The following PGR variants were observed in gnomAD, a reference collection of about 807,000 sequenced individuals.
The protein encoded by PGR is nuclear receptor subfamily 3 group C member 3.
In PGR, 25 loss-of-function variants were observed where a neutral mutation model predicts 76.1. The ratio of observed to expected loss-of-function variants is 0.33; its 90% CI spans 0.24 to 0.46. The LOEUF is 0.46. PGR is among the 20% of genes least tolerant of loss of function. The pLI is 1.00. For missense variants in PGR, 1,172 were observed against 1,225.3 expected (o/e 0.96, Z 0.65); for synonymous variants, 579 against 535.0 (o/e 1.08, Z -1.14).
rs182470150 is a variant in PGR at position 101,083,002 on chromosome 11, C to T, written c.1906+8758G>A. Among the ~76,000 whole-genome samples the T allele has an allele frequency of 5.0e-3, 767 of 152,280 alleles. 1 individual carries two copies. The highest frequency in any genetic ancestry group is 8.8e-3 in the Non-Finnish European group (598 of 68,028). On this transcript the variant is annotated intron_variant, in intron 3 of 7. Transcript: ENST00000325455. ...CATTTCAGAGACCTTCACAGCAGCC[C>T]CTCCCATCACAGGCACAGAAGCCTA...
At chr11:101,094,935 T>C (rs512846) in intron 2 of PGR, among the ~76,000 whole-genome samples, 17,803 of 152,162 alleles carry the variant, frequency 0.12, 1,353 homozygotes, top group Non-Finnish European at 0.16. Context: ...CTTTCTGCCA[T>C]GTGAGGATGC....
chr11:101,125,312 T>A (rs1862804522), intron 2 of PGR, among the ~76,000 whole-genome samples: 1 of 152,198 alleles, frequency 6.6e-6, no homozygotes, highest in African/African-American at 2.4e-5. Context: ...ATTAAGCATG[T>A]AAGTTCAATG....
chr11:101,075,259 C>T (rs2135430446), intron 3 of PGR, among the ~76,000 whole-genome samples: 2 of 152,252 alleles, frequency 1.3e-5, no homozygotes, highest in Admixed American at 1.3e-4. Context: ...GGGAAACTGG[C>T]TAGCCATATA....
At chr11:101,113,170 C>T (rs1862395118) in intron 2 of PGR, among the ~76,000 whole-genome samples, 1 of 152,134 alleles carries the variant, frequency 6.6e-6, no homozygotes, top group African/African-American at 2.4e-5. Flanking sequence ...ATCTACAAAA[C>T]AACAGTGTCT....
intron 4 of PGR, among the ~76,000 whole-genome samples, chr11:101,051,895 G>A (rs1452328618): frequency 6.6e-6 from 1 of 152,098 alleles, no homozygotes; most frequent in African/African-American, 2.4e-5. Context: ...ATGAAGATGA[G>A]TAAGAGTCAA....
At chr11:101,048,985 A>G (rs996774832) in intron 6 of PGR, among the ~76,000 whole-genome samples, 1 of 151,998 alleles carries the variant, frequency 6.6e-6, no homozygotes, top group Admixed American at 6.6e-5. Flanking sequence ...GGCTCAAGTG[A>G]TCCTCTCACC....
chr11:101,116,813 A>G (rs187923621), intron 2 of PGR, among the ~76,000 whole-genome samples: 1 of 151,496 alleles, frequency 6.6e-6, no homozygotes, highest in African/African-American at 2.4e-5. Context: ...GACAGTAAGC[A>G]CTTAGTTATT....
intron 3 of PGR, among the ~76,000 whole-genome samples, chr11:101,070,688 C>T (rs1482493747): frequency 6.6e-6 from 1 of 152,196 alleles, no homozygotes; most frequent in African/African-American, 2.4e-5. Flanking sequence ...TTTCCCCTCA[C>T]AGTGTAAGCA....
At chr11:101,103,993 G>A (rs1333409307) in intron 2 of PGR, among the ~76,000 whole-genome samples, 1 of 152,108 alleles carries the variant, frequency 6.6e-6, no homozygotes, top group African/African-American at 2.4e-5. Flanking sequence ...GTTGCTTTGA[G>A]GGTAAAATAA....
chr11:101,048,133 G>A (rs1859956368), intron 6 of PGR, among the ~76,000 whole-genome samples: 1 of 152,168 alleles, frequency 6.6e-6, no homozygotes, highest in Non-Finnish European at 1.5e-5. Flanking sequence ...TGGCTAGAAG[G>A]AGCCTGGGTG....
intron 3 of PGR, among the ~76,000 whole-genome samples, chr11:101,068,538 C>A (rs575039335): frequency 3.1e-4 from 47 of 151,892 alleles, no homozygotes; most frequent in Non-Finnish European, 5.3e-4. Context: ...CATATGGAAC[C>A]AAAAAAGAGC....
chr11:101,128,454 G>A lies in PGR; in HGVS notation c.617C>T (p.Ser206Phe). 7 of 1,609,746 alleles carry A rather than the reference G, an allele frequency of 4.3e-6. No homozygotes were observed. The highest frequency in any genetic ancestry group is 5.9e-6 in the Non-Finnish European group (7 of 1,179,664). The change falls in exon 1 of 8, where the codon TCC (serine) becomes TTC (phenylalanine). Residue 206 changes from serine to phenylalanine, a missense_variant. Around this residue, in one of 4 missense-constraint regions of PGR, gnomAD observed 893 missense variants for 785.9 expected, o/e 1.14. Transcript: ENST00000325455. The stretch of plus-strand genomic sequence containing the variant: ...CGGAGACGGCTTCACTGGGGCCCCG[G>A]ACCAGTGAGGGCTCTCAGAGGCCGG... ...LLPASESPHW[S>F]GAPVKPSPQA... is the part of the protein sequence containing the mutation.
At chr11:101,048,359 T>C (rs1859963557) in intron 6 of PGR, among the ~76,000 whole-genome samples, 1 of 152,220 alleles carries the variant, frequency 6.6e-6, no homozygotes, top group Admixed American at 6.5e-5. Context: ...TGCAGTCGTG[T>C]ATCACTTAAT....
At chr11:101,091,983 G>A in intron 2 of PGR, 107 bp from the exon 3 acceptor site, 1 of 706,560 alleles carries the variant, frequency 1.4e-6, no homozygotes, top group South Asian at 1.5e-5. Context: ...GCAAGTGCAT[G>A]ACTCAGCCAG....
rs536269254 is a variant in PGR at position 101,052,148 on chromosome 11, ATTTTC to A, written c.2213-585_2213-581del. 7.2e-5 allele frequency among the ~76,000 whole-genome samples: 11 copies of A among 152,200 alleles called. No homozygotes were observed. The East Asian group carries it at 2.1e-3, about 29-fold the overall frequency. Reference sequence around the variant, plus strand: ...ACTGCTTTCAGTTGTGTTATATCTAATTTTCTTTTAACAACCCTTAACTATGTCGG... The same window carrying A: ...ACTGCTTTCAGTTGTGTTATATCTAATTTTAACAACCCTTAACTATGTCGG... On this transcript the variant is annotated intron_variant, in intron 4 of 7. Coordinates refer to ENST00000325455, the MANE Select transcript of PGR (RefSeq NM_000926.4).
chr11:101,106,031 A>G (rs1281910943), intron 2 of PGR, among the ~76,000 whole-genome samples: 1 of 152,240 alleles, frequency 6.6e-6, no homozygotes, highest in Admixed American at 6.5e-5. Flanking sequence ...CATAAGCAGA[A>G]AACTGAAACT....
In PGR at chr11:101,041,946, T is replaced by C. The variant is rs547620959; in HGVS notation, c.2645A>G (p.Asp882Gly). 5 of 1,612,444 alleles carry C rather than the reference T, an allele frequency of 3.1e-6. No homozygotes were observed. The African/African-American group carries it at 6.7e-5, about 22-fold the overall frequency. ...TTCTGGAATCAACCAAATACTTACA[T>C]CATGCAAGTTATCAAGAAGTTTTGT... ...QLTKLLDNLH[D>G]LVKQLHLYCL... The change falls in exon 7 of 8, where the codon GAT becomes GGT. Residue 882 changes from aspartate (D) to glycine (G), a missense_variant and splice_region_variant. By Grantham distance (94) the Asp-to-Gly change is moderately conservative. Transcript: ENST00000325455.
At position 101,129,418 on chromosome 11, in the gene PGR, G is replaced by A. The variant is rs540265780; in HGVS notation, c.-348C>T. ...CTTCTGTCCGAGGACTGGAGACGCAGAGTACTCACAAGTCCGGCACTTGAG... is the reference window on the plus strand; with the variant it reads ...CTTCTGTCCGAGGACTGGAGACGCAAAGTACTCACAAGTCCGGCACTTGAG... On this transcript the variant is annotated 5_prime_UTR_variant, in exon 1 of 8. Transcript: ENST00000325455. 1 of 301,890 alleles carries A rather than the reference G, an allele frequency of 3.3e-6. No individual in the cohort carries two copies. The highest frequency in any genetic ancestry group is 5.0e-5 in the East Asian group (1 of 19,884). The allele number at this position is 301,890 out of a possible 1,614,324, so 18.7% of individuals were successfully genotyped here. A position where few individuals can be genotyped will look rare whatever the true frequency, so the allele number is the denominator to read the frequency against.
intron 4 of PGR, among the ~76,000 whole-genome samples, chr11:101,061,730 C>T (rs889440389): frequency 2.0e-5 from 3 of 152,182 alleles, no homozygotes; most frequent in African/African-American, 4.8e-5. Flanking sequence ...TCTCCTGGCT[C>T]TGCAGTCTAA....
Sources: gnomAD v4.1 joint callset for allele counts (sites outside exome capture counted in the v4.1 genomes callset) on GRCh38, gnomAD v4.1.1 for gene constraint, gnomAD v4.1.1 regional missense constraint, MANE v1.5 for transcripts, NCBI Gene and HGNC (gene_info 2026-07-23, HGNC 2026-07-21) for gene names.